Variants in PLCB4 observed in about 807,000 individuals in gnomAD.
The protein encoded by PLCB4 is phospholipase C beta 4.
Under a neutral mutation model 178.8 loss-of-function variants are expected in PLCB4, and 77 were observed. The observed-to-expected ratio is 0.43, with a 90% CI of 0.36 to 0.52. The LOEUF (loss-of-function observed/expected upper bound fraction) is 0.52. PLCB4 is among the 20% of genes least tolerant of loss of function. The probability of loss-of-function intolerance (pLI) is 0.00; values close to 1 mark genes in which losing one functional copy is unlikely to be tolerated. For synonymous variants in PLCB4, 496 were observed against 490.8 expected, an observed-to-expected ratio of 1.01 and a Z score of -0.14; for missense variants, 1,024 against 1,453.4, an observed-to-expected ratio of 0.70 and a Z score of 4.80.
intron 20 of PLCB4, among the ~76,000 whole-genome samples, chr20:9,405,019 A>T (rs891172190): frequency 6.6e-6 from 1 of 152,220 alleles, no homozygotes; most frequent in Non-Finnish European, 1.5e-5. Context: ...GTGACCATTC[A>T]TGCTGCTTTT....
intron 2 of PLCB4, among the ~76,000 whole-genome samples, chr20:9,186,294 T>C (rs1295971936): frequency 1.3e-5 from 2 of 152,206 alleles, no homozygotes; most frequent in Non-Finnish European, 2.9e-5. Context: ...AAAGAAAGTT[T>C]TTTAAAAAAT....
chr20:9,177,959 A>G (rs565655371), intron 2 of PLCB4, among the ~76,000 whole-genome samples: 2 of 152,308 alleles, frequency 1.3e-5, no homozygotes, highest in African/African-American at 4.8e-5. Flanking sequence ...GCTAAACAGA[A>G]AAACACCGTG....
At chr20:9,360,780 T>G (rs1291324964) in intron 7 of PLCB4, among the ~76,000 whole-genome samples, 1 of 152,242 alleles carries the variant, frequency 6.6e-6, no homozygotes, top group Non-Finnish European at 1.5e-5. Flanking sequence ...TTCAGAATCC[T>G]GACCCCACTA....
chr20:9,258,469 C>A (rs982957258), intron 3 of PLCB4, among the ~76,000 whole-genome samples: 1 of 152,040 alleles, frequency 6.6e-6, no homozygotes, highest in Non-Finnish European at 1.5e-5. Flanking sequence ...ATAATCCCAG[C>A]ACTTCGTGAG....
chr20:9,144,176 A>G (rs2092549221), intron 2 of PLCB4, among the ~76,000 whole-genome samples: 1 of 152,108 alleles, frequency 6.6e-6, no homozygotes, highest in Non-Finnish European at 1.5e-5. Flanking sequence ...TTGAAAGTTT[A>G]GTAAGTTTCT....
intron 1 of PLCB4, among the ~76,000 whole-genome samples, chr20:9,077,468 G>C (rs1015513058): frequency 2.0e-5 from 3 of 152,124 alleles, no homozygotes; most frequent in African/African-American, 7.2e-5. Context: ...TTGTTACCTC[G>C]CTTTACTAAT....
Position 9,202,718 on chromosome 20 carries a change from G to A in PLCB4, c.-78-14672G>A, listed in dbSNP as rs145398515. ...GGCTGGGATCTTGTCCTGCAACTTC[G>A]AATTTGTAGATATATCAGCTGCTTT... On this transcript the variant is annotated intron_variant, in intron 2 of 39. Transcript: ENST00000378473. Among the ~76,000 whole-genome samples the A allele has an allele frequency of 5.5e-3, 838 of 152,162 alleles. 6 individuals carry two copies. Among genetic ancestry groups the A allele is most frequent in the African/African-American group, 0.019 (792 of 41,506 alleles).
chr20:9,146,659 T>C (rs1411020412), intron 2 of PLCB4, among the ~76,000 whole-genome samples: 1 of 152,122 alleles, frequency 6.6e-6, no homozygotes, highest in Non-Finnish European at 1.5e-5. Flanking sequence ...AGTTAGAGGT[T>C]AATTGGTAGT....
At chr20:9,269,877 A>T (rs1018118631) in intron 3 of PLCB4, among the ~76,000 whole-genome samples, 4 of 152,092 alleles carry the variant, frequency 2.6e-5, no homozygotes, top group Non-Finnish European at 5.9e-5. Flanking sequence ...TCAAATTGTG[A>T]TTGCCAGGGG....
At chr20:9,394,129 A>G (rs1462564817) in intron 18 of PLCB4, among the ~76,000 whole-genome samples, 2 of 152,184 alleles carry the variant, frequency 1.3e-5, no homozygotes, top group Non-Finnish European at 2.9e-5. Flanking sequence ...ATGATTTTAT[A>G]TAAACATGTT....
At chr20:9,280,240 C>G (rs2094483108) in intron 3 of PLCB4, among the ~76,000 whole-genome samples, 1 of 151,968 alleles carries the variant, frequency 6.6e-6, no homozygotes, top group Non-Finnish European at 1.5e-5. Context: ...CTGAGTGGGC[C>G]ACTGACCTTC....
intron 2 of PLCB4, among the ~76,000 whole-genome samples, chr20:9,209,953 G>C (rs908503028): frequency 3.8e-5 from 4 of 105,910 alleles, no homozygotes; most frequent in Non-Finnish European, 5.1e-5. Context: ...GACAGAGCAA[G>C]ACTCTGTCTC....
At chr20:9,337,886 C>T (rs889670526) in intron 5 of PLCB4, 122 bp from the exon 6 acceptor site, 10 of 625,104 alleles carry the variant, frequency 1.6e-5, no homozygotes, top group Admixed American at 1.1e-4. Flanking sequence ...TTTTAATTCC[C>T]TCTTCAAGCT....
chr20:9,406,101 A>G (rs1246195241), intron 21 of PLCB4, among the ~76,000 whole-genome samples: 1 of 152,180 alleles, frequency 6.6e-6, no homozygotes, highest in African/African-American at 2.4e-5. Flanking sequence ...AATTTGGGTC[A>G]ACAGTATACA....
rs545825442 is a variant in PLCB4 at position 9,341,632 on chromosome 20, G to A, written c.369+2595G>A. On this transcript the variant is annotated intron_variant, in intron 7 of 39. Transcript: ENST00000378473. ...TGGCAGAGGTGGAGGAGGTGGAAGT[G>A]GAGTCAGGAGAGGCAGGCACATTGG... Among the ~76,000 whole-genome samples, 5 of 151,852 alleles carry A rather than the reference G, an allele frequency of 3.3e-5. No individual in the cohort carries two copies. The East Asian group carries it at 9.7e-4, about 29-fold the overall frequency.
intron 4 of PLCB4, among the ~76,000 whole-genome samples, chr20:9,336,187 A>G (rs1203571274): frequency 6.6e-6 from 1 of 152,150 alleles, no homozygotes; most frequent in African/African-American, 2.4e-5. Flanking sequence ...AAGAACATGT[A>G]GATTTGTTGA....
chr20:9,087,072 G>A (rs2090461421), intron 1 of PLCB4, among the ~76,000 whole-genome samples: 2 of 152,124 alleles, frequency 1.3e-5, no homozygotes, highest in South Asian at 4.2e-4. Flanking sequence ...CGTTTAAAAT[G>A]TGTCTCTTTG....
intron 33 of PLCB4, among the ~76,000 whole-genome samples, chr20:9,453,976 A>G (rs2042916447): frequency 6.6e-6 from 1 of 152,192 alleles, no homozygotes; most frequent in Admixed American, 6.5e-5. Context: ...TTCACATTTT[A>G]CCAGTTTTTC....
chr20:9,474,869 G>T (rs1343777055), intron 38 of PLCB4, among the ~76,000 whole-genome samples: 1 of 152,112 alleles, frequency 6.6e-6, no homozygotes, highest in Non-Finnish European at 1.5e-5. Flanking sequence ...ACTCCAAGGG[G>T]ACAATACATG....
Sources: gnomAD v4.1 joint callset for allele counts (sites outside exome capture counted in the v4.1 genomes callset) on GRCh38, gnomAD v4.1.1 for gene constraint, MANE v1.5 for transcripts, NCBI Gene and HGNC (gene_info 2026-07-23, HGNC 2026-07-21) for gene names.